Variants in C3orf62 observed in about 807,000 individuals in gnomAD.
C3orf62 encodes chromosome 3 open reading frame 62, also known as uncharacterized protein C3orf62.
C3orf62 carries 16 observed loss-of-function variants against 21.7 expected under a neutral mutation model. That is an observed-to-expected ratio of 0.74 (90% CI 0.50 to 1.12). The LOEUF (loss-of-function observed/expected upper bound fraction) is 1.12, where lower values mean the gene tolerates loss of function less well. Ranked by LOEUF, C3orf62 falls within the 50% of genes most tolerant of loss-of-function variation. The probability of loss-of-function intolerance (pLI) is 0.00; values close to 1 mark genes in which losing one functional copy is unlikely to be tolerated. For synonymous variants in C3orf62, 114 were observed against 117.0 expected, an observed-to-expected ratio of 0.97 and a Z score of 0.17; for missense variants, 310 against 318.8, an observed-to-expected ratio of 0.97 and a Z score of 0.21.
rs760325567 is a variant in C3orf62, at chr3:49,276,848, G to A, written c.25C>T (p.Leu9Phe). The stretch of plus-strand genomic sequence containing the variant: ...AGTTTTTCAGACATTTCTCCTAAAA[G>A]CGACCATGTCTTTATGTAATGCATT... MHYIKTWSLLGEMSEKLRR... is the reference protein window; with the variant it reads MHYIKTWSFLGEMSEKLRR... The change falls in exon 1 of 3, where the codon CTT (leucine) becomes TTT (phenylalanine). Residue 9 changes from leucine to phenylalanine, a missense_variant. Coordinates refer to ENST00000343010, the MANE Select transcript of C3orf62 (RefSeq NM_198562.3). The A allele has an allele frequency of 2.0e-5, 33 of 1,612,860 alleles. No homozygotes were observed. Among genetic ancestry groups the A allele is most frequent in the Non-Finnish European group, 2.5e-5 (30 of 1,179,810 alleles).
At position 49,277,215 on chromosome 3, in the gene C3orf62, C is replaced by T. The variant is rs1172696521; in HGVS notation, c.-343G>A. 17 of 1,331,502 alleles carry T rather than the reference C, an allele frequency of 1.3e-5. No homozygotes were observed. Among genetic ancestry groups the T allele is most frequent in the Non-Finnish European group, 1.7e-5 (17 of 1,016,452 alleles). 82.5% of individuals were successfully genotyped at this position (1,331,502 alleles called of 1,614,324 possible). On this transcript the variant is annotated 5_prime_UTR_variant, in exon 1 of 3. Coordinates refer to ENST00000343010, the MANE Select transcript of C3orf62 (RefSeq NM_198562.3). ...AGCGCAGTGACGCCGACCCATCCAA[C>T]GGTCATCGCATGCGCGTGCCCCGCG...
At position 49,275,519 on chromosome 3, in the gene C3orf62, G is replaced by GTTGT. The variant is rs530323357; in HGVS notation, c.446+907_446+908insACAA. Among the ~76,000 whole-genome samples, 66 of 69,288 alleles carry GTTGT rather than the reference G, an allele frequency of 9.5e-4. 1 individual carries two copies. The highest frequency in any genetic ancestry group is 1.5e-3 in the Non-Finnish European group (61 of 39,740). The allele number at this position is 69,288 out of a possible 152,430, so 45.5% of individuals were successfully genotyped here. A position where few individuals can be genotyped will look rare whatever the true frequency, so the allele number is the denominator to read the frequency against. The stretch of plus-strand genomic sequence containing the variant: ...GCAGCCAAGATGGCAGAACTTTGAA[G>GTTGT]TTTTTTTTTTTTTTTTTTTTTTTTT... On this transcript the variant is annotated intron_variant, in intron 1 of 2. Coordinates refer to ENST00000343010, the MANE Select transcript of C3orf62 (RefSeq NM_198562.3).
chr3:49,277,140 C>G lies in C3orf62; in HGVS notation c.-268G>C, dbSNP rs775354873. 6 of 1,451,144 alleles carry G rather than the reference C, an allele frequency of 4.1e-6. No individual in the cohort carries two copies. The East Asian group carries it at 1.2e-4, about 29-fold the overall frequency. 89.9% of individuals were successfully genotyped at this position (1,451,144 alleles called of 1,614,324 possible). A position where few individuals can be genotyped will look rare whatever the true frequency, so the allele number is the denominator to read the frequency against. ...GCGGCTCCCAGGCCGCTGGCCCTAC[C>G]GGCACCCCCCCTTTGGCGAGTCGGC... On this transcript the variant is annotated 5_prime_UTR_variant, in exon 1 of 3. Transcript: ENST00000343010.
At chr3:49,275,449 T>C (rs964003503) in intron 1 of C3orf62, among the ~76,000 whole-genome samples, 4 of 149,098 alleles carry the variant, frequency 2.7e-5, no homozygotes, top group South Asian at 2.1e-4. Context: ...AAAATTCTTG[T>C]GGAGTTGAAC....
chr3:49,273,119 C>G (rs2046925615), intron 2 of C3orf62, among the ~76,000 whole-genome samples: 1 of 152,194 alleles, frequency 6.6e-6, no homozygotes, highest in Non-Finnish European at 1.5e-5. Flanking sequence ...AAAACATCTA[C>G]CAAATAAAAA....
rs760620800 is a variant in C3orf62, at chr3:49,274,042, T to C, written c.538+7A>G. 26 of 1,606,904 alleles carry C rather than the reference T, an allele frequency of 1.6e-5. No homozygotes were observed. The highest frequency in any genetic ancestry group is 2.2e-5 in the Non-Finnish European group (26 of 1,173,422). ...AAGGACAGGATGGACTTGCCCACTG[T>C]ACTCACCAATCATATCAAGCAGATC... On this transcript the variant is annotated splice_region_variant and intron_variant, in intron 2 of 2. Coordinates refer to ENST00000343010, the MANE Select transcript of C3orf62 (RefSeq NM_198562.3).
Position 49,276,604 on chromosome 3 carries a change from TTC to T in C3orf62, c.267_268del (p.Asn90ProfsTer40). The T allele has an allele frequency of 8.7e-6, 14 of 1,614,138 alleles. No homozygotes were observed. Among genetic ancestry groups the T allele is most frequent in the Non-Finnish European group, 1.2e-5 (14 of 1,180,028 alleles). The stretch of plus-strand genomic sequence containing the variant: ...GGCATGGTTTGTTGCAAAGGCAGGG[TTC>T]TCATTCTCAGGAGCACATGGGACAG... On this transcript the variant is annotated frameshift_variant, in exon 1 of 3. Coordinates refer to ENST00000343010, the MANE Select transcript of C3orf62 (RefSeq NM_198562.3). LOFTEE classifies it high-confidence loss of function.
At position 49,271,172 on chromosome 3, in the gene C3orf62, A is replaced by G; in HGVS notation, c.*8T>C. 1 of 1,608,548 alleles carries G rather than the reference A, an allele frequency of 6.2e-7. No individual in the cohort carries two copies. The highest frequency in any genetic ancestry group is 2.2e-5 in the East Asian group (1 of 44,744). On this transcript the variant is annotated 3_prime_UTR_variant, in exon 3 of 3. Coordinates refer to ENST00000343010, the MANE Select transcript of C3orf62 (RefSeq NM_198562.3). ...TGCTGTAAGGAATCAAAGCTTAGATAACTGTCCTTACTCAATTTGGTATTT... is the reference window on the plus strand; with the variant it reads ...TGCTGTAAGGAATCAAAGCTTAGATGACTGTCCTTACTCAATTTGGTATTT...
Position 49,276,521 on chromosome 3 carries a change from C to A in C3orf62, c.352G>T (p.Glu118Ter). The A allele has an allele frequency of 6.2e-7, 1 of 1,614,210 alleles. No homozygotes were observed. Among genetic ancestry groups the A allele is most frequent in the African/African-American group, 1.3e-5 (1 of 75,062 alleles). ...ATGGAGGAATGCATCAATACATTTT[C>A]CTTGCTGGTTAGAGGTTTTCTCTCG... Reference protein sequence around the residue: ...CPERKPLTSKENVLMHSSILA... With the variant: ...CPERKPLTSK The change falls in exon 1 of 3, where the codon GAA becomes TAA. Residue 118 changes from glutamate to a stop codon, truncating the protein, a stop_gained. Coordinates refer to ENST00000343010, the MANE Select transcript of C3orf62 (RefSeq NM_198562.3). LOFTEE classifies it high-confidence loss of function.
At chr3:49,275,325 G>A (rs1033180109) in intron 1 of C3orf62, among the ~76,000 whole-genome samples, 3 of 151,366 alleles carry the variant, frequency 2.0e-5, no homozygotes, top group Admixed American at 1.3e-4. Flanking sequence ...GACCTCAAGC[G>A]ATCCACCCAC....
At position 49,274,354 on chromosome 3, in the gene C3orf62, C is replaced by G. The variant is rs532556679; in HGVS notation, c.447-214G>C. The G allele has an allele frequency of 9.7e-6, 5 of 517,144 alleles. No homozygotes were observed. In the South Asian group the frequency reaches 1.1e-4, roughly 11 times the overall value. 32.0% of individuals were successfully genotyped at this position (517,144 alleles called of 1,614,324 possible). A position where few individuals can be genotyped will look rare whatever the true frequency, so the allele number is the denominator to read the frequency against. On this transcript the variant is annotated intron_variant, in intron 1 of 2. Transcript: ENST00000343010. ...CATAATGACTCACGAGCATCGCAGA[C>G]TGTATTAAATTTTTTTCTTTTTTAG...
At chr3:49,274,669 C>CAT (rs1165472733) in intron 1 of C3orf62, 1 of 151,770 alleles carries the variant, frequency 6.6e-6, no homozygotes, top group Non-Finnish European at 1.5e-5. Flanking sequence ...GGATTACAGG[C>CAT]GCCTGCCACC....
chr3:49,275,044 T>C (rs1259644891), intron 1 of C3orf62, among the ~76,000 whole-genome samples: 1 of 151,856 alleles, frequency 6.6e-6, no homozygotes, highest in African/African-American at 2.4e-5. Flanking sequence ...GGTCTCAAAC[T>C]CCTGACCTCA....
rs935818760 is a variant in C3orf62 at position 49,268,909 on chromosome 3, G to C, written c.*2271C>G. On this transcript the variant is annotated 3_prime_UTR_variant, in exon 3 of 3. Coordinates refer to ENST00000343010, the MANE Select transcript of C3orf62 (RefSeq NM_198562.3). ...AGCCTCCTGTGTAGCTATGACTAAA[G>C]GCACATGCCATGATGCCTGGCTAAT... 2 of 152,188 alleles carry C rather than the reference G, an allele frequency of 1.3e-5. No homozygotes were observed. Among genetic ancestry groups the C allele is most frequent in the African/African-American group, 4.8e-5 (2 of 41,428 alleles). The allele number at this position is 152,188 out of a possible 1,614,324, so 9.4% of individuals were successfully genotyped here.
In C3orf62 at chr3:49,277,202, C is replaced by T. The variant is rs1007476569; in HGVS notation, c.-330G>A. 12 of 1,346,572 alleles carry T rather than the reference C, an allele frequency of 8.9e-6. No individual in the cohort carries two copies. The highest frequency in any genetic ancestry group is 4.4e-5 in the Admixed American group (2 of 45,186). 83.4% of individuals were successfully genotyped at this position (1,346,572 alleles called of 1,614,324 possible). A position where few individuals can be genotyped will look rare whatever the true frequency, so the allele number is the denominator to read the frequency against. ...TGTCCTCACCCGCAGCGCAGTGACG[C>T]CGACCCATCCAACGGTCATCGCATG... On this transcript the variant is annotated 5_prime_UTR_variant, in exon 1 of 3. Coordinates refer to ENST00000343010, the MANE Select transcript of C3orf62 (RefSeq NM_198562.3).
chr3:49,275,768 G>C (rs1324169292), intron 1 of C3orf62, among the ~76,000 whole-genome samples: 2 of 151,764 alleles, frequency 1.3e-5, no homozygotes, highest in Non-Finnish European at 2.9e-5. Context: ...CTGACCTCGT[G>C]ATCTGCCCGC....
chr3:49,272,593 G>A (rs1029802250), intron 2 of C3orf62, among the ~76,000 whole-genome samples: 3 of 123,496 alleles, frequency 2.4e-5, no homozygotes, highest in East Asian at 2.9e-4. Flanking sequence ...CACCCAGGCT[G>A]GAGGGCAGTG....
Position 49,276,849 on chromosome 3 carries a change from C to G in C3orf62, c.24G>C (p.Ser8=), listed in dbSNP as rs1206489920. The G allele has an allele frequency of 4.3e-6, 7 of 1,612,586 alleles. No individual in the cohort carries two copies. The highest frequency in any genetic ancestry group is 5.1e-6 in the Non-Finnish European group (6 of 1,179,616). The change falls in exon 1 of 3, where the codon TCG becomes TCC. Residue 8 remains serine, a synonymous_variant. Coordinates refer to ENST00000343010, the MANE Select transcript of C3orf62 (RefSeq NM_198562.3). MHYIKTW[S]LLGEMSEKLR... ...GTTTTTCAGACATTTCTCCTAAAAG[C>G]GACCATGTCTTTATGTAATGCATTG...
At chr3:49,274,922 C>A (rs2046940852) in intron 1 of C3orf62, among the ~76,000 whole-genome samples, 1 of 151,544 alleles carries the variant, frequency 6.6e-6, no homozygotes, top group Non-Finnish European at 1.5e-5. Flanking sequence ...TGGGTTCAAG[C>A]GATTCTCCTG....
Sources: gnomAD v4.1 joint callset for allele counts (sites outside exome capture counted in the v4.1 genomes callset) on GRCh38, gnomAD v4.1.1 for gene constraint, MANE v1.5 for transcripts, NCBI Gene and HGNC (gene_info 2026-07-23, HGNC 2026-07-21) for gene names.